The following ERLIN1 variants were observed in gnomAD, a reference collection of about 807,000 sequenced individuals.
ERLIN1 encodes the protein ER lipid raft associated 1.
In ERLIN1, 24 loss-of-function variants were observed where a neutral mutation model predicts 46.9. The observed-to-expected ratio is 0.51, with a 90% CI of 0.37 to 0.72. The LOEUF (loss-of-function observed/expected upper bound fraction) is 0.72. Among genes scored for constraint, ERLIN1 ranks in the 30% least tolerant of loss-of-function variants. The probability of loss-of-function intolerance (pLI) is 0.00; values close to 1 mark genes in which losing one functional copy is unlikely to be tolerated. For missense variants in ERLIN1, 293 were observed against 417.9 expected, an observed-to-expected ratio of 0.70 and a Z score of 2.61; for synonymous variants, 158 against 143.2, an observed-to-expected ratio of 1.10 and a Z score of -0.74.
chr10:100,163,378 T>A (rs1201021072), intron 8 of ERLIN1, among the ~76,000 whole-genome samples: 1 of 142,710 alleles, frequency 7.0e-6, no homozygotes. Context: ...ATTTTTTTCT[T>A]AAAAAAAAAA....
chr10:100,158,036 C>T (rs756020764), intron 8 of ERLIN1, among the ~76,000 whole-genome samples: 4 of 152,098 alleles, frequency 2.6e-5, no homozygotes, highest in South Asian at 2.1e-4. Flanking sequence ...AAGGGGGAGC[C>T]GAGAGCCTGT....
Position 100,150,205 on chromosome 10 carries a change from G to A in ERLIN1, c.*1926C>T, listed in dbSNP as rs1028350400. Reference sequence around the variant, plus strand: ...ATTTGCCAAAAGGAACACCCCGAAAGACGGCCAGCCTCAGAGCTGAGAGGG... The same window carrying A: ...ATTTGCCAAAAGGAACACCCCGAAAAACGGCCAGCCTCAGAGCTGAGAGGG... On this transcript the variant is annotated 3_prime_UTR_variant, in exon 11 of 11. Transcript: ENST00000421367. 1.3e-5 allele frequency: 2 copies of A among 152,154 alleles called. No homozygotes were observed. Among genetic ancestry groups the A allele is most frequent in the African/African-American group, 4.8e-5 (2 of 41,440 alleles). The allele number at this position is 152,154 out of a possible 1,614,324, so 9.4% of individuals were successfully genotyped here. A position where few individuals can be genotyped will look rare whatever the true frequency, so the allele number is the denominator to read the frequency against.
intron 6 of ERLIN1, among the ~76,000 whole-genome samples, chr10:100,168,318 C>A (rs905388133): frequency 6.6e-6 from 1 of 152,054 alleles, no homozygotes; most frequent in Non-Finnish European, 1.5e-5. Context: ...AACTTTTAAG[C>A]GATATAGCAT....
intron 4 of ERLIN1, among the ~76,000 whole-genome samples, 164 bp from the exon 5 acceptor site, chr10:100,176,234 T>G (rs902441994): frequency 1.3e-5 from 2 of 152,216 alleles, no homozygotes; most frequent in Non-Finnish European, 2.9e-5. Flanking sequence ...GTGTTGCTTG[T>G]GCTCAATTTT....
intron 5 of ERLIN1, 111 bp downstream of exon 5, chr10:100,175,834 T>C: frequency 1.2e-6 from 1 of 821,328 alleles, no homozygotes; most frequent in Non-Finnish European, 1.8e-6. Flanking sequence ...CTATGATAAA[T>C]TCAGAAGAAA....
rs1404906288 is a variant in ERLIN1, at chr10:100,174,212, A to G, written c.500T>C (p.Ile167Thr). The G allele has an allele frequency of 6.4e-7, 1 of 1,558,634 alleles. No homozygotes were observed. The highest frequency in any genetic ancestry group is 1.4e-5 in the African/African-American group (1 of 73,940). The change falls in exon 6 of 11, where the codon ATA (isoleucine) becomes ACA (threonine). Residue 167 changes from isoleucine (I) to threonine (T), a missense_variant. Ile to Thr is a moderately conservative substitution (Grantham distance 89). Around this residue, in one of 3 missense-constraint regions of ERLIN1, gnomAD observed 148 missense variants for 266.5 expected, o/e 0.56. Coordinates refer to ENST00000421367, the MANE Select transcript of ERLIN1 (RefSeq NM_006459.4). ...DLNLMAPGLT[I>T]QAVRVTKPKI... Reference sequence around the variant, plus strand: ...TTCCCTAGGAAAAGAACTTACCTGTATAGTGAGACCTGGGGCCATGAGGTT... The same window carrying G: ...TTCCCTAGGAAAAGAACTTACCTGTGTAGTGAGACCTGGGGCCATGAGGTT...
At chr10:100,171,966 A>C (rs1292412481) in intron 6 of ERLIN1, among the ~76,000 whole-genome samples, 1 of 152,040 alleles carries the variant, frequency 6.6e-6, no homozygotes, top group Non-Finnish European at 1.5e-5. Context: ...TGAGGGGGGG[A>C]GCTGCTAAAA....
intron 6 of ERLIN1, among the ~76,000 whole-genome samples, chr10:100,170,115 G>T (rs895055781): frequency 2.6e-5 from 4 of 152,084 alleles, no homozygotes; most frequent in African/African-American, 4.8e-5. Context: ...AGATTAAGCT[G>T]GCAGAAACAG....
At chr10:100,158,029 G>A (rs1017845410) in intron 8 of ERLIN1, among the ~76,000 whole-genome samples, 5 of 152,198 alleles carry the variant, frequency 3.3e-5, no homozygotes, top group Non-Finnish European at 7.3e-5. Context: ...TTAAGCCAAG[G>A]GGGAGCCGAG....
At chr10:100,154,177 A>AT (rs1229114132) in intron 10 of ERLIN1, among the ~76,000 whole-genome samples, 2 of 152,174 alleles carry the variant, frequency 1.3e-5, no homozygotes, top group African/African-American at 4.8e-5. Context: ...TGCCTCTTAA[A>AT]TAGCCCCTGC....
intron 2 of ERLIN1, among the ~76,000 whole-genome samples, chr10:100,183,133 T>G (rs1314728802): frequency 1.3e-5 from 2 of 152,348 alleles, no homozygotes; most frequent in East Asian, 3.9e-4. Context: ...CACACTGGGC[T>G]TGCGAAAGTG....
chr10:100,185,438 A>T, intron 1 of ERLIN1, 76 bp downstream of exon 1: 1 of 1,167,156 alleles, frequency 8.6e-7, no homozygotes, highest in Non-Finnish European at 1.3e-6. Context: ...TGCAGAGGGA[A>T]CAACTTCCCA....
At chr10:100,156,792 C>A (rs1368865233) in intron 8 of ERLIN1, among the ~76,000 whole-genome samples, 1 of 152,158 alleles carries the variant, frequency 6.6e-6, no homozygotes, top group Non-Finnish European at 1.5e-5. Context: ...GCAGGAGGAT[C>A]TCTTAAGCCC....
intron 10 of ERLIN1, among the ~76,000 whole-genome samples, chr10:100,153,109 T>G (rs1320735434): frequency 6.6e-6 from 1 of 152,220 alleles, no homozygotes; most frequent in African/African-American, 2.4e-5. Context: ...TTAGCTGTGA[T>G]TCTGCTTTTC....
chr10:100,177,450 C>T (rs969655720), intron 4 of ERLIN1, among the ~76,000 whole-genome samples: 2 of 152,172 alleles, frequency 1.3e-5, no homozygotes, highest in African/African-American at 4.8e-5. Context: ...GACCTTACAT[C>T]CCAATATATC....
chr10:100,166,121 A>G (rs1178721144), intron 7 of ERLIN1, among the ~76,000 whole-genome samples: 1 of 152,222 alleles, frequency 6.6e-6, no homozygotes, highest in Non-Finnish European at 1.5e-5. Context: ...TTTGTCTACA[A>G]TGAAAAAGAG....
chr10:100,169,000 G>GACT (rs1284848609), intron 6 of ERLIN1, among the ~76,000 whole-genome samples: 1 of 152,112 alleles, frequency 6.6e-6, no homozygotes, highest in Non-Finnish European at 1.5e-5. Context: ...GTCTTTTGAA[G>GACT]ACTCCTATTT....
At chr10:100,161,308 T>C (rs796639971) in intron 8 of ERLIN1, among the ~76,000 whole-genome samples, 24 of 152,220 alleles carry the variant, frequency 1.6e-4, no homozygotes, top group African/African-American at 5.8e-4. Flanking sequence ...AGCATACTTA[T>C]ACAAAACCCA....
Position 100,167,529 on chromosome 10 carries a change from T to C in ERLIN1, c.505-123A>G, listed in dbSNP as rs2134137686. On this transcript the variant is annotated intron_variant, in intron 6 of 10. Coordinates refer to ENST00000421367, the MANE Select transcript of ERLIN1 (RefSeq NM_006459.4). ...AAACAACAGCTATAATATAGCGGCC[T>C]ACTAACACGTTTGGGGATCCCACCA... 5.6e-6 allele frequency: 4 copies of C among 710,078 alleles called. No individual in the cohort carries two copies. The South Asian group carries it at 7.3e-5, about 13-fold the overall frequency. The allele number at this position is 710,078 out of a possible 1,614,324, so 44.0% of individuals were successfully genotyped here.
Sources: allele counts gnomAD v4.1 joint callset (sites outside exome capture counted in the v4.1 genomes callset), GRCh38; gene constraint gnomAD v4.1.1; regional missense constraint gnomAD v4.1.1; transcripts MANE v1.5; gene names NCBI Gene and HGNC (gene_info 2026-07-23, HGNC 2026-07-21).